The following EIF3A variants were observed in gnomAD, a reference collection of about 807,000 sequenced individuals.
The protein encoded by EIF3A is eukaryotic translation initiation factor 3 subunit A.
A neutral mutation model predicts 186.6 loss-of-function variants in EIF3A; 21 were observed. The ratio of observed to expected loss-of-function variants is 0.11; its 90% CI spans 0.08 to 0.16. EIF3A has a LOEUF of 0.16. Ranked by LOEUF, EIF3A falls within the 10% of genes least tolerant of loss-of-function variation. EIF3A has a pLI of 1.00. For synonymous variants in EIF3A, 563 were observed against 584.3 expected, an observed-to-expected ratio of 0.96 and a Z score of 0.52; for missense variants, 1,306 against 1,796.3, an observed-to-expected ratio of 0.73 and a Z score of 4.93.
chr10:119,052,264 C>T (rs1171517982), intron 14 of EIF3A, among the ~76,000 whole-genome samples: 2 of 152,114 alleles, frequency 1.3e-5, no homozygotes, highest in Non-Finnish European at 2.9e-5. Context: ...TTCAAGAAAC[C>T]ACTTACTTTG....
intron 17 of EIF3A, among the ~76,000 whole-genome samples, chr10:119,048,671 C>CT (rs745492259): frequency 1.0e-3 from 149 of 144,964 alleles, no homozygotes; most frequent in African/African-American, 1.2e-3. Flanking sequence ...ATTCACGATT[C>CT]TTTTTTTTTT....
chr10:119,040,000 CTA>C (rs756130662), intron 19 of EIF3A, among the ~76,000 whole-genome samples: 5 of 151,916 alleles, frequency 3.3e-5, no homozygotes, highest in Middle Eastern at 3.4e-3. Flanking sequence ...TAAGAATCTG[CTA>C]TACTGTTACC....
chr10:119,040,032 G>C (rs528462926), intron 19 of EIF3A, among the ~76,000 whole-genome samples: 2 of 152,250 alleles, frequency 1.3e-5, no homozygotes, highest in South Asian at 4.1e-4. Flanking sequence ...ATGAGGAAAA[G>C]AAAAATTAAA....
At chr10:119,060,557 A>T (rs1049181139) in intron 9 of EIF3A, among the ~76,000 whole-genome samples, 189 bp downstream of exon 9, 5 of 152,224 alleles carry the variant, frequency 3.3e-5, no homozygotes, top group African/African-American at 9.6e-5. Context: ...CAGCCAAAAA[A>T]CAAAAGCGTC....
At position 119,077,745 on chromosome 10, in the gene EIF3A, C is replaced by T. The variant is rs888730632; in HGVS notation, c.49+2883G>A. On this transcript the variant is annotated intron_variant, in intron 1 of 21. Transcript: ENST00000369144. ...AATATTTTTGTATTTTTACTAGAGA[C>T]GGTTTCACTGTGTTAGTGAGGATGG... is the stretch of plus-strand genomic sequence containing the variant. Among the ~76,000 whole-genome samples the T allele has an allele frequency of 3.3e-5, 5 of 151,840 alleles. No homozygotes were observed. In the South Asian group the frequency reaches 6.3e-4, roughly 19 times the overall value.
chr10:119,041,909 T>C, intron 19 of EIF3A, 85 bp downstream of exon 19: 1 of 1,386,536 alleles, frequency 7.2e-7, no homozygotes, highest in Non-Finnish European at 9.9e-7. Flanking sequence ...ATCTGGAAAA[T>C]AACAATACAG....
At chr10:119,064,782 A>C (rs894542922) in intron 7 of EIF3A, among the ~76,000 whole-genome samples, 2 of 152,148 alleles carry the variant, frequency 1.3e-5, no homozygotes, top group African/African-American at 4.8e-5. Context: ...ATCTCAGCTC[A>C]CTGCAACCTC....
chr10:119,042,748 T>A lies in EIF3A; in HGVS notation c.2772A>T (p.Arg924=). 3 of 1,608,228 alleles carry A rather than the reference T, an allele frequency of 1.9e-6. No homozygotes were observed. Among genetic ancestry groups the A allele is most frequent in the Non-Finnish European group, 2.5e-6 (3 of 1,177,174 alleles). The change falls in exon 19 of 22, where the codon CGA becomes CGT. Residue 924 remains arginine, a synonymous_variant. Coordinates refer to ENST00000369144, the MANE Select transcript of EIF3A (RefSeq NM_003750.4). This position sits in a 1 kb window ranked among gnomAD's most constrained non-coding sequence, Gnocchi z 7.8. ...CTCTTCTATGAGACCTGTCCTCATC[T>A]CGCCCTTCTCCACGTCTCCACTCCC... ...PEKEWRRGEG[R]DEDRSHRRDE...
In EIF3A at chr10:119,036,230, G is replaced by A. The variant is rs192094747; in HGVS notation, c.3958C>T (p.Arg1320Trp). 62 of 1,612,966 alleles carry A rather than the reference G, an allele frequency of 3.8e-5. No homozygotes were observed. Among genetic ancestry groups the A allele is most frequent in the East Asian group, 2.2e-4 (10 of 44,852 alleles). The part of the protein sequence containing the change: ...WRRADDRKDD[R>W]VEERDPPRRV... ...CGAGGAGGGTCCCGCTCTTCCACCC[G>A]GTCATCTTTCCTGTCATCAGCACGT... Residue 1320 changes from arginine (R) to tryptophan (W), a missense_variant, in exon 22 of 22, where the codon CGG becomes TGG. Physicochemically the swap from Arg to Trp is moderately radical, Grantham distance 101. This residue lies in a region of EIF3A where 331 missense variants were observed against 365.8 expected (regional missense o/e 0.90). Coordinates refer to ENST00000369144, the MANE Select transcript of EIF3A (RefSeq NM_003750.4).
chr10:119,038,971 CTG>C (rs1040422193), intron 19 of EIF3A, among the ~76,000 whole-genome samples: 1 of 152,090 alleles, frequency 6.6e-6, no homozygotes, highest in Non-Finnish European at 1.5e-5. Context: ...CTTAAATGAT[CTG>C]TGTTAAGTGT....
intron 6 of EIF3A, among the ~76,000 whole-genome samples, chr10:119,066,502 T>C (rs1232248093): frequency 7.0e-5 from 3 of 42,668 alleles, no homozygotes; most frequent in African/African-American, 1.2e-4. Flanking sequence ...GAGTTAAGAC[T>C]GTCAAAAAAA....
chr10:119,076,111 TC>T (rs1263228374), intron 1 of EIF3A, among the ~76,000 whole-genome samples: 1 of 148,860 alleles, frequency 6.7e-6, no homozygotes, highest in Non-Finnish European at 1.5e-5. Context: ...GGCGGGTGGA[TC>T]ACGAGGTCAG....
At chr10:119,046,760 A>T (rs1443209345) in intron 17 of EIF3A, among the ~76,000 whole-genome samples, 1 of 152,000 alleles carries the variant, frequency 6.6e-6, no homozygotes, top group African/African-American at 2.4e-5. Context: ...GGAGTTCAAG[A>T]CCAGCCTGGC....
At chr10:119,038,520 A>C in intron 19 of EIF3A, 81 bp from the exon 20 acceptor site, 7 of 1,143,822 alleles carry the variant, frequency 6.1e-6, no homozygotes, top group Non-Finnish European at 7.6e-6. Context: ...AGACGTTGGC[A>C]TTAATTCATC....
chr10:119,055,726 G>A (rs1564753725), intron 14 of EIF3A, among the ~76,000 whole-genome samples: 1 of 151,936 alleles, frequency 6.6e-6, no homozygotes, highest in Non-Finnish European at 1.5e-5. Context: ...AAAACAAGGT[G>A]TGCCTATATA....
chr10:119,070,075 G>A (rs923082375), intron 5 of EIF3A, among the ~76,000 whole-genome samples: 2 of 151,460 alleles, frequency 1.3e-5, no homozygotes, highest in East Asian at 1.9e-4. Flanking sequence ...TTTAAGATGG[G>A]TGTCCCTATA....
chr10:119,077,149 A>G (rs1265679031), intron 1 of EIF3A, among the ~76,000 whole-genome samples: 4 of 152,160 alleles, frequency 2.6e-5, no homozygotes, highest in African/African-American at 9.7e-5. Context: ...ACCATTTTTC[A>G]CTTCCTGAAC....
intron 20 of EIF3A, 48 bp downstream of exon 20, chr10:119,038,190 G>A (rs763878253): frequency 1.4e-5 from 22 of 1,523,092 alleles, no homozygotes; most frequent in Admixed American, 3.8e-5. Flanking sequence ...TTACAGGCAT[G>A]AGCCACTGCG....
rs768599574 is a variant in EIF3A, at chr10:119,037,164, C to T, written c.3874G>A (p.Asp1292Asn). 5.1e-6 allele frequency: 8 copies of T among 1,574,098 alleles called. No homozygotes were observed. The highest frequency in any genetic ancestry group is 5.2e-6 in the Non-Finnish European group (6 of 1,156,038). Residue 1292 changes from aspartate (D) to asparagine (N), a missense_variant, in exon 21 of 22, where the codon GAC becomes AAC. This residue lies in a region of EIF3A where 331 missense variants were observed against 365.8 expected (regional missense o/e 0.90). Coordinates refer to ENST00000369144, the MANE Select transcript of EIF3A (RefSeq NM_003750.4). Reference protein sequence around the residue: ...DLRERRDLRDDRDRRGPPLRS... With the variant: ...DLRERRDLRDNRDRRGPPLRS... Reference sequence around the variant, plus strand: ...AGTGGAGGTCCTCTTCGGTCCCTGTCGTCTCTTAGATCTCGTCTTTCTCTT... The same window carrying T: ...AGTGGAGGTCCTCTTCGGTCCCTGTTGTCTCTTAGATCTCGTCTTTCTCTT...
Sources: gnomAD v4.1 joint callset for allele counts (sites outside exome capture counted in the v4.1 genomes callset) on GRCh38, gnomAD v4.1.1 for gene constraint, gnomAD v4.1.1 regional missense constraint, Gnocchi (gnomAD v3.1) non-coding constraint, MANE v1.5 for transcripts, NCBI Gene and HGNC (gene_info 2026-07-23, HGNC 2026-07-21) for gene names.